The following COL6A5 variants were observed in gnomAD, a reference collection of about 807,000 sequenced individuals.
COL6A5 encodes collagen type VI alpha 5 chain.
In COL6A5, 48 loss-of-function variants were observed where a neutral mutation model predicts 65.6. The observed-to-expected ratio is 0.73, with a 90% confidence interval of 0.58 to 0.93. COL6A5 has a LOEUF of 0.93. COL6A5 is among the 40% of genes least tolerant of loss of function. COL6A5 has a pLI of 0.00. For synonymous variants in COL6A5, 291 were observed against 322.8 expected (o/e 0.90, Z 1.05); for missense variants, 914 against 928.3 (o/e 0.98, Z 0.20).
At chr3:130,423,260 A>C (rs2107686266) in intron 28 of COL6A5, among the ~76,000 whole-genome samples, 1 of 152,190 alleles carries the variant, frequency 6.6e-6, no homozygotes. Flanking sequence ...GCAAAGTGCA[A>C]AATCGAATAT....
intron 7 of COL6A5, among the ~76,000 whole-genome samples, chr3:130,474,262 T>A (rs903180763): frequency 1.3e-5 from 2 of 152,102 alleles, no homozygotes; most frequent in African/African-American, 4.8e-5. Flanking sequence ...GAAACTAAAC[T>A]GTGACTGCTA....
intron 2 of COL6A5, among the ~76,000 whole-genome samples, chr3:130,374,654 A>G (rs1448953055): frequency 2.6e-5 from 4 of 152,048 alleles, no homozygotes; most frequent in African/African-American, 9.7e-5. Context: ...GGGTTTCATC[A>G]TCTTGCACAG....
At chr3:130,404,510 C>G (rs1936921218) in intron 13 of COL6A5, among the ~76,000 whole-genome samples, 1 of 152,218 alleles carries the variant, frequency 6.6e-6, no homozygotes, top group African/African-American at 2.4e-5. Flanking sequence ...CCTCTACAAT[C>G]TAATGGCTGA....
chr3:130,483,509 G>A (rs754470391), intron 7 of COL6A5, among the ~76,000 whole-genome samples: 1 of 152,170 alleles, frequency 6.6e-6, no homozygotes, highest in Non-Finnish European at 1.5e-5. Context: ...TGGAGAGAAT[G>A]TAAACTCCAG....
chr3:130,468,476 T>A (rs185514529), intron 5 of COL6A5, among the ~76,000 whole-genome samples: 1 of 152,124 alleles, frequency 6.6e-6, no homozygotes, highest in Non-Finnish European at 1.5e-5. Flanking sequence ...GTGGAGTACA[T>A]TAAAAATGAG....
At chr3:130,348,236 A>G (rs1934574681) in intron 1 of COL6A5, among the ~76,000 whole-genome samples, 2 of 151,188 alleles carry the variant, frequency 1.3e-5, no homozygotes, top group Non-Finnish European at 3.0e-5. Context: ...TAAGCCCCAC[A>G]TGCATTAGGC....
At chr3:130,379,340 CT>C (rs1168356058) in intron 3 of COL6A5, 77 bp from the exon 4 acceptor site, 2 of 1,289,536 alleles carry the variant, frequency 1.6e-6, no homozygotes, top group Admixed American at 5.2e-5. Context: ...AACTAATGTG[CT>C]TGATAATGTA....
Position 130,470,963 on chromosome 3 carries a change from G to A in COL6A5, c.2326G>A (p.Val776Ile), listed in dbSNP as rs1709937061. 1.9e-6 allele frequency: 3 copies of A among 1,608,718 alleles called. No homozygotes were observed. The South Asian group carries it at 3.3e-5, about 18-fold the overall frequency. The change falls in exon 7 of 8, where the codon GTA becomes ATA. Residue 776 changes from valine (V) to isoleucine (I), a missense_variant. Val to Ile is a conservative substitution (Grantham distance 29, BLOSUM62 3). Transcript: ENST00000512836. ...AGAGAACGGTGGCACAGAAAACACT[G>A]TATTGTGAGTTGAGAAATTCCAAGT...
intron 1 of COL6A5, among the ~76,000 whole-genome samples, chr3:130,353,231 T>G (rs1934786546): frequency 6.6e-6 from 1 of 152,202 alleles, no homozygotes; most frequent in Admixed American, 6.5e-5. Flanking sequence ...GTGAAATATG[T>G]AGGAGCACTC....
At chr3:130,455,726 C>T (rs749820796) in intron 5 of COL6A5, 60 bp downstream of exon 37, 219 of 1,333,794 alleles carry the variant, frequency 1.6e-4, no homozygotes, top group Non-Finnish European at 2.2e-4. Flanking sequence ...CATCTTTTAA[C>T]ACTAGTAGAA....
At chr3:130,401,762 G>T (rs1577471925) in exon 12 of COL6A5, 1 of 1,549,418 alleles carries the variant, frequency 6.5e-7, no homozygotes, top group Non-Finnish European at 8.7e-7. Context: ...TTTCCCCCAG[G>T]GAAATATTGC....
exon 3 of COL6A5, chr3:130,376,258 A>G: frequency 1.9e-6 from 3 of 1,607,516 alleles, no homozygotes; most frequent in East Asian, 2.2e-5. Context: ...GTGTATGCAG[A>G]TGTCGTGTTT....
At chr3:130,380,188 G>T in intron 4 of COL6A5, 138 bp downstream of exon 4, 1 of 662,064 alleles carries the variant, frequency 1.5e-6, no homozygotes, top group Non-Finnish European at 2.4e-6. Context: ...CTGGATTTTG[G>T]TGATGCCCAT....
intron 20 of COL6A5, 147 bp from the exon 21 acceptor site, chr3:130,413,398 G>C: frequency 1.4e-6 from 1 of 708,538 alleles, no homozygotes; most frequent in Admixed American, 2.4e-5. Context: ...CAGTGTGAAA[G>C]CTTGTCTATG....
At chr3:130,478,972 T>G (rs1009366099) in intron 7 of COL6A5, among the ~76,000 whole-genome samples, 1 of 152,060 alleles carries the variant, frequency 6.6e-6, no homozygotes, top group African/African-American at 2.4e-5. Context: ...GGTGTATATC[T>G]CCTGACTGGG....
In COL6A5 at chr3:130,398,128, G is replaced by GTTTTTTT. The variant is rs35177024; in HGVS notation, c.3991+31_3991+37dup. On this transcript the variant is annotated intron_variant and NMD_transcript_variant, in intron 10 of 41. Transcript: ENST00000312481. ...GAGAAGCAGGTATTGAGTTGTTGTT[G>GTTTTTTT]TTTTTTTTTTTTTTTTTTTTGAGAT... The GTTTTTTT allele has an allele frequency of 2.1e-4, 187 of 906,524 alleles. No homozygotes were observed. Among genetic ancestry groups the GTTTTTTT allele is most frequent in the Middle Eastern group, 3.5e-4 (1 of 2,836 alleles). The allele number at this position is 906,524 out of a possible 1,614,324, so 56.2% of individuals were successfully genotyped here.
rs868648392 is a variant in COL6A5, at chr3:130,378,772, T to C, written c.668-646T>C. On this transcript the variant is annotated intron_variant and NMD_transcript_variant, in intron 3 of 41. Coordinates refer to the COL6A5 transcript ENST00000312481. The stretch of plus-strand genomic sequence containing the variant: ...ATTTCTCAACCCACATGTGATCCTC[T>C]CAGAGAGGCCTTCCCTGATTTCTTC... Among the ~76,000 whole-genome samples the C allele has an allele frequency of 2.7e-5, 4 of 150,646 alleles. No individual in the cohort carries two copies. In the South Asian group the frequency reaches 6.4e-4, roughly 24 times the overall value.
intron 5 of COL6A5, among the ~76,000 whole-genome samples, chr3:130,462,175 A>C (rs1709717577): frequency 6.6e-6 from 1 of 152,068 alleles, no homozygotes; most frequent in Non-Finnish European, 1.5e-5. Flanking sequence ...AGATACATAC[A>C]TATTTGTGCC....
chr3:130,379,922 A>C (rs1407615340), exon 4 of COL6A5: 3 of 1,551,386 alleles, frequency 1.9e-6, no homozygotes, highest in Admixed American at 3.9e-5. Flanking sequence ...CCTCCAGAAC[A>C]GACAATTTCC....
Sources: allele counts gnomAD v4.1 joint callset (sites outside exome capture counted in the v4.1 genomes callset), GRCh38; gene constraint gnomAD v4.1.1; transcripts MANE v1.5; gene names NCBI Gene and HGNC (gene_info 2026-07-23, HGNC 2026-07-21).